PRIMA1: variants seen among roughly 807,000 people sequenced by gnomAD.
PRIMA1 encodes the protein proline-rich membrane anchor 1.
PRIMA1 carries 7 observed loss-of-function variants against 17.5 expected under a neutral mutation model. That is an observed-to-expected ratio of 0.40 (90% CI 0.23 to 0.75). PRIMA1 has a LOEUF of 0.75. Among genes scored for constraint, PRIMA1 ranks in the 30% least tolerant of loss-of-function variants. PRIMA1 has a pLI of 0.37. For missense variants in PRIMA1, 200 were observed against 201.8 expected (o/e 0.99, Z 0.05); for synonymous variants, 97 against 77.9 (o/e 1.25, Z -1.29).
chr14:93,737,447 G>A (rs993597353), intron 3 of PRIMA1, 77 bp from the exon 4 acceptor site: 1 of 1,548,156 alleles, frequency 6.5e-7, no homozygotes, highest in African/African-American at 1.4e-5. Context: ...GACCATCATG[G>A]GTGACACCAA....
At position 93,720,453 on chromosome 14, in the gene PRIMA1, G is replaced by C. The variant is rs968167607; in HGVS notation, c.*991C>G. On this transcript the variant is annotated 3_prime_UTR_variant, in exon 5 of 5. Coordinates refer to ENST00000393140, the MANE Select transcript of PRIMA1 (RefSeq NM_178013.4). The stretch of plus-strand genomic sequence containing the variant: ...CTGGGGCTCGGGGTAGGGTAAAATG[G>C]GGAGATGATGGAGGACTCTGGGAGA... 2 of 152,524 alleles carry C rather than the reference G, an allele frequency of 1.3e-5. No individual in the cohort carries two copies. The highest frequency in any genetic ancestry group is 6.5e-5 in the Admixed American group (1 of 15,296). 9.4% of individuals were successfully genotyped at this position (152,524 alleles called of 1,614,324 possible). A position where few individuals can be genotyped will look rare whatever the true frequency, so the allele number is the denominator to read the frequency against.
intron 4 of PRIMA1, among the ~76,000 whole-genome samples, chr14:93,730,137 C>T (rs2076104555): frequency 6.6e-6 from 1 of 152,202 alleles, no homozygotes; most frequent in South Asian, 2.1e-4. Flanking sequence ...CAGAAACCAC[C>T]ACTGACCAGT....
chr14:93,761,745 C>T (rs1049533835), intron 3 of PRIMA1, among the ~76,000 whole-genome samples: 17 of 152,158 alleles, frequency 1.1e-4, no homozygotes, highest in African/African-American at 1.9e-4. Flanking sequence ...GGCCCATAGT[C>T]GGTGCCCAAC....
intron 3 of PRIMA1, among the ~76,000 whole-genome samples, chr14:93,769,627 C>T (rs10150714): frequency 0.6 from 91,268 of 152,052 alleles, 29,731 homozygotes; most frequent in Middle Eastern, 0.76. Context: ...AGGAGCCTGT[C>T]GCCTGCAGGG....
intron 4 of PRIMA1, among the ~76,000 whole-genome samples, chr14:93,736,645 C>A (rs554554050): frequency 2.6e-5 from 4 of 152,346 alleles, no homozygotes; most frequent in African/African-American, 9.6e-5. Flanking sequence ...TTCTGTGGCC[C>A]CCCATCCTGT....
rs1436985236 is a variant in PRIMA1, at chr14:93,720,081, T to TA, written c.*1362dup. On this transcript the variant is annotated 3_prime_UTR_variant, in exon 5 of 5. Coordinates refer to ENST00000393140, the MANE Select transcript of PRIMA1 (RefSeq NM_178013.4). The stretch of plus-strand genomic sequence containing the variant: ...GAGGTTTAGGAGGCAAACCAGGTCT[T>TA]AGAGGGCTCGACAGTGGAACCATTC... The TA allele has an allele frequency of 6.6e-6, 1 of 152,300 alleles. No homozygotes were observed. The highest frequency in any genetic ancestry group is 1.9e-4 in the East Asian group (1 of 5,196). 9.4% of individuals were successfully genotyped at this position (152,300 alleles called of 1,614,324 possible).
intron 3 of PRIMA1, among the ~76,000 whole-genome samples, chr14:93,761,045 G>GAA (rs201884906): frequency 2.7e-5 from 4 of 150,840 alleles, no homozygotes; most frequent in Admixed American, 6.6e-5. Context: ...CATAGCACTT[G>GAA]AAAAAAAAAC....
intron 3 of PRIMA1, among the ~76,000 whole-genome samples, chr14:93,740,709 G>A (rs1337649828): frequency 6.6e-6 from 1 of 152,232 alleles, no homozygotes; most frequent in Non-Finnish European, 1.5e-5. Context: ...GTAAGCACTT[G>A]GAAATATCGG....
chr14:93,751,097 C>T (rs751563543), intron 3 of PRIMA1, among the ~76,000 whole-genome samples: 1 of 152,224 alleles, frequency 6.6e-6, no homozygotes, highest in Non-Finnish European at 1.5e-5. Context: ...CTGGCCGGGA[C>T]GCAGGGACTC....
intron 3 of PRIMA1, among the ~76,000 whole-genome samples, chr14:93,745,018 G>A (rs546405549): frequency 6.6e-6 from 1 of 152,268 alleles, no homozygotes; most frequent in South Asian, 2.1e-4. Flanking sequence ...TGTAGCCCGG[G>A]GCGGGGGTGG....
chr14:93,725,463 C>T (rs139448099), intron 4 of PRIMA1, among the ~76,000 whole-genome samples: 2 of 152,132 alleles, frequency 1.3e-5, no homozygotes, highest in African/African-American at 4.8e-5. Context: ...CTGCACCCCC[C>T]CAACTCCACC....
intron 3 of PRIMA1, among the ~76,000 whole-genome samples, chr14:93,748,096 G>A (rs2076237108): frequency 6.6e-6 from 1 of 152,006 alleles, no homozygotes; most frequent in Non-Finnish European, 1.5e-5. Context: ...GCGTATGAGT[G>A]TGTGAATGTG....
chr14:93,780,253 C>T lies in PRIMA1; in HGVS notation c.94-942G>A, dbSNP rs116275559. On this transcript the variant is annotated intron_variant, in intron 2 of 4. Coordinates refer to ENST00000393140, the MANE Select transcript of PRIMA1 (RefSeq NM_178013.4). ...ATCCAGCCAGATCCTTTTGTATGGG[C>T]TCTCCTGGCACCAGGTTCCCCTCTA... Among the ~76,000 whole-genome samples, 854 of 152,318 alleles carry T rather than the reference C, an allele frequency of 5.6e-3. 11 individuals carry two copies. The highest frequency in any genetic ancestry group is 0.02 in the African/African-American group (819 of 41,572).
chr14:93,785,887 CACAG>C (rs1885510470), intron 2 of PRIMA1, among the ~76,000 whole-genome samples: 1 of 150,096 alleles, frequency 6.7e-6, no homozygotes, highest in Non-Finnish European at 1.5e-5. Flanking sequence ...CCTGCACACA[CACAG>C]ACACCCCTGC....
chr14:93,772,555 T>TA (rs1335101398), intron 3 of PRIMA1, among the ~76,000 whole-genome samples: 1 of 152,208 alleles, frequency 6.6e-6, no homozygotes, highest in Non-Finnish European at 1.5e-5. Context: ...GCAAGCCAGG[T>TA]CCTGGGCTCT....
chr14:93,728,794 G>T (rs531821716), intron 4 of PRIMA1, among the ~76,000 whole-genome samples: 2 of 152,144 alleles, frequency 1.3e-5, no homozygotes, highest in African/African-American at 4.8e-5. Flanking sequence ...TGTCCACGGT[G>T]CACGGAGGCC....
At chr14:93,752,485 C>A (rs2076266171) in intron 3 of PRIMA1, among the ~76,000 whole-genome samples, 1 of 152,194 alleles carries the variant, frequency 6.6e-6, no homozygotes, top group East Asian at 1.9e-4. Context: ...ACACCTGAAT[C>A]TAAAAAGTAC....
intron 3 of PRIMA1, among the ~76,000 whole-genome samples, chr14:93,760,684 A>G (rs1351999450): frequency 6.6e-6 from 1 of 152,170 alleles, no homozygotes; most frequent in Non-Finnish European, 1.5e-5. Flanking sequence ...TGCTCCACCC[A>G]GCACCTGGTG....
chr14:93,767,070 G>A (rs1424151921), intron 3 of PRIMA1, among the ~76,000 whole-genome samples: 2 of 152,160 alleles, frequency 1.3e-5, no homozygotes, highest in Non-Finnish European at 2.9e-5. Context: ...CATGACCAAC[G>A]TCTGCAATAA....
Sources: allele counts gnomAD v4.1 joint callset (sites outside exome capture counted in the v4.1 genomes callset), GRCh38; gene constraint gnomAD v4.1.1; transcripts MANE v1.5; gene names NCBI Gene and HGNC (gene_info 2026-07-23, HGNC 2026-07-21).